Variants in MAML3 observed in about 807,000 individuals in gnomAD.
MAML3 encodes the protein mastermind like transcriptional coactivator 3.
Under a neutral mutation model 101.9 loss-of-function variants are expected in MAML3, and 27 were observed. The ratio of observed to expected loss-of-function variants is 0.27; its 90% CI spans 0.20 to 0.37. The LOEUF (loss-of-function observed/expected upper bound fraction) is 0.37. MAML3 is among the 10% of genes least tolerant of loss of function. MAML3 has a pLI of 1.00. For missense variants in MAML3, 1,316 were observed against 1,444.9 expected (o/e 0.91, Z 1.45); for synonymous variants, 501 against 555.9 (o/e 0.90, Z 1.39).
intron 1 of MAML3, among the ~76,000 whole-genome samples, chr4:140,072,469 A>C (rs2110955494): frequency 6.6e-6 from 1 of 152,098 alleles, no homozygotes; most frequent in Middle Eastern, 3.4e-3. Context: ...TCAGGAGTTC[A>C]AGACCACCCT....
At chr4:139,727,654 G>C (rs559464590) in intron 3 of MAML3, among the ~76,000 whole-genome samples, 3 of 152,316 alleles carry the variant, frequency 2.0e-5, no homozygotes, top group Non-Finnish European at 2.9e-5. Flanking sequence ...GAATGGATGA[G>C]AGGTTATGTG....
At position 140,083,929 on chromosome 4, in the gene MAML3, C is replaced by T. The variant is rs575353739; in HGVS notation, c.468+68931G>A. Among the ~76,000 whole-genome samples, 24 of 85,354 alleles carry T rather than the reference C, an allele frequency of 2.8e-4. No individual in the cohort carries two copies. The East Asian group carries it at 2.8e-3, about 10-fold the overall frequency. 56.0% of individuals were successfully genotyped at this position (85,354 alleles called of 152,430 possible). A position where few individuals can be genotyped will look rare whatever the true frequency, so the allele number is the denominator to read the frequency against. On this transcript the variant is annotated intron_variant, in intron 1 of 4. Transcript: ENST00000509479. ...AACACCCTAGATTGAAACACACACG[C>T]GCGCACACACACACACACACACACA... is the stretch of plus-strand genomic sequence containing the variant.
At chr4:139,884,261 G>C (rs895938434) in intron 2 of MAML3, among the ~76,000 whole-genome samples, 1 of 152,118 alleles carries the variant, frequency 6.6e-6, no homozygotes, top group African/African-American at 2.4e-5. Flanking sequence ...TCTTTCTCTG[G>C]AGATTTTATG....
intron 1 of MAML3, among the ~76,000 whole-genome samples, chr4:140,096,337 A>G (rs1423287889): frequency 6.6e-6 from 1 of 152,204 alleles, no homozygotes; most frequent in Non-Finnish European, 1.5e-5. Flanking sequence ...ACAGTTCTCG[A>G]TGAGTCACAG....
intron 1 of MAML3, among the ~76,000 whole-genome samples, chr4:139,965,373 C>T (rs1335510238): frequency 2.6e-5 from 4 of 152,056 alleles, no homozygotes; most frequent in Middle Eastern, 3.2e-3. Context: ...CTCTCCCTTC[C>T]GTAAGTATTA....
intron 1 of MAML3, among the ~76,000 whole-genome samples, chr4:139,925,216 G>A (rs373240808): frequency 6.6e-6 from 1 of 151,802 alleles, no homozygotes. Context: ...GTGAGTCCCT[G>A]TACTCTTTTT....
intron 2 of MAML3, among the ~76,000 whole-genome samples, chr4:139,736,906 A>G (rs1431705747): frequency 6.6e-6 from 1 of 152,206 alleles, no homozygotes; most frequent in Non-Finnish European, 1.5e-5. Context: ...TTCTATTGCA[A>G]AATTTCCTGC....
rs1733585625 is a variant in MAML3 at position 139,940,885 on chromosome 4, A to G, written c.469-49918T>C. Among the ~76,000 whole-genome samples, 2 of 152,230 alleles carry G rather than the reference A, an allele frequency of 1.3e-5. 1 individual carries two copies. Among genetic ancestry groups the G allele is most frequent in the South Asian group, 4.1e-4 (2 of 4,828 alleles). On this transcript the variant is annotated intron_variant, in intron 1 of 4. Coordinates refer to ENST00000509479, the MANE Select transcript of MAML3 (RefSeq NM_018717.5). ...AATACCAGGGAATTGCTGTTGATTA[A>G]GATTCACTTGTGTAACTTAGGAGTT...
intron 2 of MAML3, among the ~76,000 whole-genome samples, chr4:139,856,162 C>T (rs1345227387): frequency 1.3e-5 from 2 of 152,216 alleles, no homozygotes; most frequent in Non-Finnish European, 2.9e-5. Flanking sequence ...CAATGCAAGG[C>T]ACTTGGTAGC....
At chr4:140,049,132 G>A (rs1431415744) in intron 1 of MAML3, among the ~76,000 whole-genome samples, 1 of 152,174 alleles carries the variant, frequency 6.6e-6, no homozygotes, top group East Asian at 1.9e-4. Context: ...CACAAGAGAA[G>A]CTACCACTCC....
At chr4:139,877,888 T>C (rs904600778) in intron 2 of MAML3, among the ~76,000 whole-genome samples, 1 of 152,204 alleles carries the variant, frequency 6.6e-6, no homozygotes. Flanking sequence ...TATTATACCA[T>C]CCCAATATTT....
intron 4 of MAML3, 149 bp downstream of exon 4, chr4:139,725,602 T>G: frequency 2.6e-6 from 2 of 761,582 alleles, no homozygotes; most frequent in Non-Finnish European, 4.5e-6. Flanking sequence ...TCCATTCTGA[T>G]TGGTTAGTAC....
intron 1 of MAML3, among the ~76,000 whole-genome samples, chr4:140,104,737 C>A (rs1401796675): frequency 6.6e-6 from 1 of 151,792 alleles, no homozygotes; most frequent in African/African-American, 2.4e-5. Flanking sequence ...AAGCGATCAC[C>A]CGCCTCGGCC....
chr4:140,068,527 T>A (rs1727577397), intron 1 of MAML3, among the ~76,000 whole-genome samples: 1 of 152,198 alleles, frequency 6.6e-6, no homozygotes, highest in Non-Finnish European at 1.5e-5. Flanking sequence ...AAACAAGCAC[T>A]GTTCTGGAAA....
chr4:139,982,517 T>C (rs553232826), intron 1 of MAML3, among the ~76,000 whole-genome samples: 51 of 152,156 alleles, frequency 3.4e-4, no homozygotes, highest in Non-Finnish European at 6.5e-4. Context: ...TTCTAGGCCC[T>C]TTCAATTGAC....
At chr4:140,046,761 G>A (rs1014198215) in intron 1 of MAML3, among the ~76,000 whole-genome samples, 12 of 152,018 alleles carry the variant, frequency 7.9e-5, no homozygotes, top group Non-Finnish European at 5.9e-5. Flanking sequence ...TACAAAGGAG[G>A]AATTTAGGGT....
intron 2 of MAML3, among the ~76,000 whole-genome samples, chr4:139,770,691 C>T (rs923491116): frequency 1.3e-5 from 2 of 152,208 alleles, no homozygotes; most frequent in Non-Finnish European, 2.9e-5. Flanking sequence ...CTGCTGATCT[C>T]TTTTTAGAAT....
At chr4:139,727,295 T>C (rs966786682) in intron 3 of MAML3, among the ~76,000 whole-genome samples, 1 of 152,242 alleles carries the variant, frequency 6.6e-6, no homozygotes, top group African/African-American at 2.4e-5. Flanking sequence ...ACCATTAAAG[T>C]GTAGACAAGA....
intron 1 of MAML3, among the ~76,000 whole-genome samples, chr4:140,060,046 A>G (rs980525291): frequency 6.6e-6 from 1 of 152,168 alleles, no homozygotes; most frequent in Non-Finnish European, 1.5e-5. Context: ...GGACATCAAA[A>G]CAAAGGAACA....
Sources: gnomAD v4.1 joint callset for allele counts (sites outside exome capture counted in the v4.1 genomes callset) on GRCh38, gnomAD v4.1.1 for gene constraint, MANE v1.5 for transcripts, NCBI Gene and HGNC (gene_info 2026-07-23, HGNC 2026-07-21) for gene names.